Variants in CKAP2L observed in about 807,000 individuals in gnomAD.
CKAP2L encodes cytoskeleton associated protein 2L.
In CKAP2L, 42 loss-of-function variants were observed where a neutral mutation model predicts 65.7. The observed-to-expected ratio is 0.64, with a 90% CI of 0.50 to 0.83. CKAP2L has a LOEUF of 0.83. Ranked by LOEUF, CKAP2L falls within the 40% of genes least tolerant of loss-of-function variation. The pLI, the probability that CKAP2L is intolerant of heterozygous loss-of-function variation, is 0.00. For synonymous variants in CKAP2L, 325 were observed against 313.5 expected, an observed-to-expected ratio of 1.04 and a Z score of -0.39; for missense variants, 908 against 871.0, an observed-to-expected ratio of 1.04 and a Z score of -0.53.
At chr2:112,761,569 C>T (rs1449368067) in intron 2 of CKAP2L, among the ~76,000 whole-genome samples, 2 of 133,188 alleles carry the variant, frequency 1.5e-5, no homozygotes, top group Non-Finnish European at 3.2e-5. Flanking sequence ...AAAACCAAGA[C>T]ACACATGAAA....
intron 4 of CKAP2L, among the ~76,000 whole-genome samples, chr2:112,753,210 A>T (rs920810331): frequency 2.0e-5 from 3 of 152,188 alleles, no homozygotes; most frequent in Non-Finnish European, 4.4e-5. Context: ...CTGGATCCCC[A>T]AACTTTGTAA....
chr2:112,748,173 A>G (rs1339252021), intron 5 of CKAP2L, among the ~76,000 whole-genome samples: 2 of 152,236 alleles, frequency 1.3e-5, no homozygotes, highest in Admixed American at 6.5e-5. Flanking sequence ...ATGAACAAAG[A>G]AACAGTTGTT....
At chr2:112,741,821 C>T (rs895566578) in intron 7 of CKAP2L, among the ~76,000 whole-genome samples, 2 of 151,616 alleles carry the variant, frequency 1.3e-5, no homozygotes, top group Non-Finnish European at 2.9e-5. Context: ...AGTGCAGTGG[C>T]GTGATCTTCA....
chr2:112,739,013 A>G lies in CKAP2L; in HGVS notation c.2048T>C (p.Phe683Ser). ...CGACGAACGCCGTACAGGAGTGATA[A>G]ATTTCATGTCTTGCACTTCCGGCAT... ...NGMPEVQDMK[F>S]ITPVRRSSRI... is the part of the protein sequence containing the mutation. The change falls in exon 9 of 9, where the codon TTT becomes TCT. Residue 683 changes from phenylalanine (F) to serine (S), a missense_variant. Phe to Ser is a radical substitution (Grantham distance 155, BLOSUM62 -2). Transcript: ENST00000302450. 1 of 1,614,116 alleles carries G rather than the reference A, an allele frequency of 6.2e-7. No homozygotes were observed. Among genetic ancestry groups the G allele is most frequent in the South Asian group, 1.1e-5 (1 of 91,076 alleles).
intron 3 of CKAP2L, among the ~76,000 whole-genome samples, chr2:112,757,513 G>A (rs540295866): frequency 3.4e-5 from 5 of 148,620 alleles, no homozygotes; most frequent in South Asian, 2.2e-4. Flanking sequence ...CCCCAACCTC[G>A]CAAGTGGCTG....
chr2:112,738,255 A>G lies in CKAP2L; in HGVS notation c.*568T>C, dbSNP rs1297698916. 1 of 152,488 alleles carries G rather than the reference A, an allele frequency of 6.6e-6. No homozygotes were observed. The highest frequency in any genetic ancestry group is 1.5e-5 in the Non-Finnish European group (1 of 68,244). The allele number at this position is 152,488 out of a possible 1,614,324, so 9.4% of individuals were successfully genotyped here. Reference sequence around the variant, plus strand: ...ATCTGAGGAGACCTGGCATAGAAAAAACAAGAATTCTCTCTCATTTACAAG... The same window carrying G: ...ATCTGAGGAGACCTGGCATAGAAAAGACAAGAATTCTCTCTCATTTACAAG... On this transcript the variant is annotated 3_prime_UTR_variant, in exon 9 of 9. Coordinates refer to ENST00000302450, the MANE Select transcript of CKAP2L (RefSeq NM_152515.5).
At chr2:112,751,140 T>TA (rs1211478869) in intron 5 of CKAP2L, among the ~76,000 whole-genome samples, 2 of 152,212 alleles carry the variant, frequency 1.3e-5, no homozygotes, top group South Asian at 2.1e-4. Context: ...GGCAAGTTTT[T>TA]ATCAAACCTT....
chr2:112,763,434 T>C (rs1201817521), intron 1 of CKAP2L, among the ~76,000 whole-genome samples: 1 of 152,094 alleles, frequency 6.6e-6, no homozygotes, highest in African/African-American at 2.4e-5. Flanking sequence ...CAGACACCTA[T>C]ACTATGGTGA....
At chr2:112,742,502 C>A in intron 7 of CKAP2L, 1 of 718,666 alleles carries the variant, frequency 1.4e-6, no homozygotes, top group Admixed American at 2.0e-5. Flanking sequence ...TGGAAACAAC[C>A]TTTGTTCAGT....
At chr2:112,754,217 G>A (rs1458166963) in intron 4 of CKAP2L, among the ~76,000 whole-genome samples, 1 of 152,104 alleles carries the variant, frequency 6.6e-6, no homozygotes, top group African/African-American at 2.4e-5. Flanking sequence ...CCCCCTCCTG[G>A]CAATCACTGA....
At position 112,757,125 on chromosome 2, in the gene CKAP2L, T is replaced by C; in HGVS notation, c.246A>G (p.Pro82=). 6.2e-7 allele frequency: 1 copy of C among 1,614,160 alleles called. No individual in the cohort carries two copies. Among genetic ancestry groups the C allele is most frequent in the Non-Finnish European group, 8.5e-7 (1 of 1,180,028 alleles). The part of the protein sequence containing the change: ...RSISIKLQPR[P]PNTAGSQKPK... ...GCTTCTGGGACCCTGCAGTATTAGG[T>C]GGTCTGGGCTGGAGTTTAATGCTGA... Residue 82 remains proline (P), a synonymous_variant, in exon 4 of 9, where the codon CCA becomes CCG. Transcript: ENST00000302450.
intron 7 of CKAP2L, among the ~76,000 whole-genome samples, chr2:112,741,645 A>G (rs1385459448): frequency 6.6e-6 from 1 of 152,172 alleles, no homozygotes; most frequent in East Asian, 1.9e-4. Context: ...CCATGTTTTA[A>G]CCAAATAACT....
intron 3 of CKAP2L, among the ~76,000 whole-genome samples, chr2:112,758,859 G>A (rs1680625604): frequency 6.6e-6 from 1 of 152,082 alleles, no homozygotes. Context: ...CATCACCCTA[G>A]AAAGAAACTT....
intron 5 of CKAP2L, among the ~76,000 whole-genome samples, chr2:112,750,494 C>T (rs752666459): frequency 1.3e-5 from 2 of 152,150 alleles, no homozygotes; most frequent in Non-Finnish European, 2.9e-5. Flanking sequence ...CCAGAGCTCC[C>T]CTGTGGGGCT....
At chr2:112,746,327 T>C (rs1224401652) in intron 6 of CKAP2L, 93 bp downstream of exon 6, 13 of 1,058,400 alleles carry the variant, frequency 1.2e-5, no homozygotes, top group Non-Finnish European at 1.8e-5. Flanking sequence ...GATATTGATG[T>C]TGCAAACTTC....
At chr2:112,763,757 T>A (rs890083628) in intron 1 of CKAP2L, 1 of 152,208 alleles carries the variant, frequency 6.6e-6, no homozygotes, top group African/African-American at 2.4e-5. Flanking sequence ...CATGTATCTA[T>A]CCTTAGAGAC....
intron 5 of CKAP2L, among the ~76,000 whole-genome samples, chr2:112,749,539 A>G (rs1680304420): frequency 6.6e-6 from 1 of 152,208 alleles, no homozygotes; most frequent in Admixed American, 6.5e-5. Flanking sequence ...AAATTTCAAC[A>G]AAATCCATCA....
Position 112,756,358 on chromosome 2 carries a change from C to G in CKAP2L, c.1013G>C (p.Ser338Thr). The G allele has an allele frequency of 1.2e-6, 2 of 1,613,532 alleles. No homozygotes were observed. Among genetic ancestry groups the G allele is most frequent in the Non-Finnish European group, 1.7e-6 (2 of 1,179,762 alleles). ...GTTGTTATATTCACCCTGAAGCAAA[C>G]TGGGGTATGTTCTGGGTTTGGTGTG... ...VKHTKPRTYP[S>T]LLQGEYNNRH... Residue 338 changes from serine to threonine, a missense_variant, in exon 4 of 9, where the codon AGT becomes ACT. Coordinates refer to ENST00000302450, the MANE Select transcript of CKAP2L (RefSeq NM_152515.5).
chr2:112,746,849 G>A (rs774089916), intron 5 of CKAP2L, among the ~76,000 whole-genome samples: 12 of 149,710 alleles, frequency 8.0e-5, no homozygotes, highest in Middle Eastern at 7.4e-3. Context: ...GTGCAATGGC[G>A]CGATCTCGGT....
Sources: allele counts gnomAD v4.1 joint callset (sites outside exome capture counted in the v4.1 genomes callset), GRCh38; gene constraint gnomAD v4.1.1; transcripts MANE v1.5; gene names NCBI Gene and HGNC (gene_info 2026-07-23, HGNC 2026-07-21).